Variants in SHANK2 observed in about 807,000 individuals in gnomAD.
The protein encoded by SHANK2 is SH3 and multiple ankyrin repeat domains protein 2.
SHANK2 carries 43 observed loss-of-function variants against 133.7 expected under a neutral mutation model. That is an observed-to-expected ratio of 0.32 (90% CI 0.25 to 0.41). The LOEUF is 0.41. Among genes scored for constraint, SHANK2 ranks in the 10% least tolerant of loss-of-function variants. The pLI is 1.00. For synonymous variants in SHANK2, 1,017 were observed against 952.8 expected (o/e 1.07, Z -1.24); for missense variants, 1,994 against 2,235.8 (o/e 0.89, Z 2.18).
intron 3 of SHANK2, among the ~76,000 whole-genome samples, chr11:71,143,546 C>T (rs1952593562): frequency 6.6e-6 from 1 of 152,170 alleles, no homozygotes; most frequent in Non-Finnish European, 1.5e-5. Flanking sequence ...GTCATTCTCA[C>T]ATTGCTTGTG....
intron 14 of SHANK2, among the ~76,000 whole-genome samples, chr11:70,701,840 A>T (rs923375990): frequency 1.3e-5 from 2 of 152,110 alleles, no homozygotes; most frequent in African/African-American, 4.8e-5. Flanking sequence ...GGGACAGGAA[A>T]GGGACCCTAA....
intron 17 of SHANK2, among the ~76,000 whole-genome samples, chr11:70,538,812 A>G (rs1368752953): frequency 6.6e-6 from 1 of 152,180 alleles, no homozygotes; most frequent in Non-Finnish European, 1.5e-5. Context: ...GGCGGGAGGC[A>G]CGCACAGACG....
At chr11:70,608,567 GAC>G (rs1554993224) in intron 17 of SHANK2, among the ~76,000 whole-genome samples, 1 of 152,180 alleles carries the variant, frequency 6.6e-6, no homozygotes, top group African/African-American at 2.4e-5. Context: ...AGGTGGGCAG[GAC>G]ACAGCACTCG....
At chr11:70,709,976 A>G (rs1163057323) in intron 14 of SHANK2, among the ~76,000 whole-genome samples, 1 of 152,100 alleles carries the variant, frequency 6.6e-6, no homozygotes, top group East Asian at 1.9e-4. Context: ...CCCACGGAGA[A>G]GTAAAGGAGG....
At chr11:70,516,142 A>G (rs1217986220) in intron 17 of SHANK2, among the ~76,000 whole-genome samples, 1 of 152,192 alleles carries the variant, frequency 6.6e-6, no homozygotes, top group Non-Finnish European at 1.5e-5. Context: ...TAAAGTTTAT[A>G]TGGAAAGCTA....
chr11:70,655,038 G>A (rs902885302), intron 17 of SHANK2, among the ~76,000 whole-genome samples: 11 of 152,146 alleles, frequency 7.2e-5, no homozygotes, highest in Middle Eastern at 3.4e-3. Flanking sequence ...CAAAGTGCTG[G>A]GATTACAGGC....
intron 17 of SHANK2, among the ~76,000 whole-genome samples, chr11:70,629,336 T>A (rs534470): frequency 0.3 from 44,992 of 152,058 alleles, 6,692 homozygotes; most frequent in Middle Eastern, 0.39. Flanking sequence ...TCTTTCGAAC[T>A]CTCTGAAGGG....
chr11:70,752,877 GC>G (rs1451888059), intron 14 of SHANK2, among the ~76,000 whole-genome samples: 1 of 152,138 alleles, frequency 6.6e-6, no homozygotes, highest in Non-Finnish European at 1.5e-5. Flanking sequence ...ACCTTGCGGG[GC>G]CGAGGCAGGC....
chr11:71,194,389 G>A (rs1397974312), intron 2 of SHANK2, among the ~76,000 whole-genome samples: 3 of 152,210 alleles, frequency 2.0e-5, no homozygotes, highest in Non-Finnish European at 2.9e-5. Context: ...GTCGGGGCAG[G>A]CTGCCACTGC....
intron 10 of SHANK2, among the ~76,000 whole-genome samples, chr11:70,954,084 C>T (rs1207168307): frequency 1.3e-5 from 2 of 152,214 alleles, no homozygotes; most frequent in Non-Finnish European, 2.9e-5. Context: ...GGGACCCTGC[C>T]CATGGCACTC....
rs138335203 is a variant in SHANK2 at position 70,487,283 on chromosome 11, C to A, written c.3010G>T (p.Ala1004Ser). 1 of 1,614,198 alleles carries A rather than the reference C, an allele frequency of 6.2e-7. No homozygotes were observed. Among genetic ancestry groups the A allele is most frequent in the East Asian group, 2.2e-5 (1 of 44,874 alleles). ...ATCCCCTTCCGCCTGGCGGGCTTGG[C>A]GGGGACGTAGACGGCTTTGCTGGCG... ...KIASKAVYVP[A>S]KPARRKGMLV... is the part of the protein sequence containing the mutation. The change falls in exon 25 of 26, where the codon GCC becomes TCC. Residue 1004 changes from alanine to serine, a missense_variant. This residue lies in a region of SHANK2 where 488 missense variants were observed against 642.6 expected (regional missense o/e 0.76). Transcript: ENST00000601538. The surrounding 1 kb of genome is among the most constrained non-coding windows in gnomAD (Gnocchi z 5.8).
intron 17 of SHANK2, among the ~76,000 whole-genome samples, chr11:70,657,078 G>T (rs1233851354): frequency 6.6e-6 from 1 of 152,192 alleles, no homozygotes; most frequent in Non-Finnish European, 1.5e-5. Flanking sequence ...TGGTCCAAAA[G>T]TTCAAACCGC....
chr11:70,728,286 A>C (rs1946214920), intron 14 of SHANK2, among the ~76,000 whole-genome samples: 1 of 152,216 alleles, frequency 6.6e-6, no homozygotes, highest in South Asian at 2.1e-4. Context: ...TGTGGGATCC[A>C]AAGAGGATCC....
intron 16 of SHANK2, among the ~76,000 whole-genome samples, chr11:70,660,991 C>T (rs1591718656): frequency 6.6e-6 from 1 of 152,262 alleles, no homozygotes; most frequent in African/African-American, 2.4e-5. Context: ...CTGGCAGGTG[C>T]ACCGCCATGG....
chr11:70,587,400 G>A lies in SHANK2; in HGVS notation c.2061+72428C>T, dbSNP rs1039707499. Among the ~76,000 whole-genome samples the A allele has an allele frequency of 1.2e-4, 19 of 152,306 alleles. No individual in the cohort carries two copies. The East Asian group carries it at 1.5e-3, about 12-fold the overall frequency. On this transcript the variant is annotated intron_variant, in intron 17 of 25. Coordinates refer to ENST00000601538, the MANE Select transcript of SHANK2 (RefSeq NM_012309.5). Reference sequence around the variant, plus strand: ...AGAAAGGAGCCTGTCGCGGCACCACGGGTACATCTGTAAACATGAGAGTCA... The same window carrying A: ...AGAAAGGAGCCTGTCGCGGCACCACAGGTACATCTGTAAACATGAGAGTCA...
intron 9 of SHANK2, among the ~76,000 whole-genome samples, chr11:71,071,105 T>C (rs1047764575): frequency 0.062 from 9,370 of 152,282 alleles, 964 homozygotes; most frequent in African/African-American, 0.21. Context: ...GTTTTCAAGA[T>C]AAAATGTGCT....
intron 17 of SHANK2, among the ~76,000 whole-genome samples, chr11:70,570,280 C>G (rs57236853): frequency 0.24 from 37,226 of 152,034 alleles, 4,717 homozygotes; most frequent in Middle Eastern, 0.33. Context: ...GGGCCCAGGT[C>G]GCTCCCGTTC....
chr11:70,736,951 T>C (rs1946418758), intron 14 of SHANK2, among the ~76,000 whole-genome samples: 2 of 152,230 alleles, frequency 1.3e-5, no homozygotes, highest in Non-Finnish European at 2.9e-5. Flanking sequence ...CTGGGGGTTC[T>C]GAAACGTGGC....
intron 14 of SHANK2, among the ~76,000 whole-genome samples, chr11:70,735,100 G>A (rs1291737474): frequency 1.3e-5 from 2 of 152,178 alleles, no homozygotes; most frequent in Non-Finnish European, 2.9e-5. Context: ...GGGCGAGGCC[G>A]TGGCCTCCCC....
Sources: gnomAD v4.1 joint callset for allele counts (sites outside exome capture counted in the v4.1 genomes callset) on GRCh38, gnomAD v4.1.1 for gene constraint, gnomAD v4.1.1 regional missense constraint, Gnocchi (gnomAD v3.1) non-coding constraint, MANE v1.5 for transcripts, NCBI Gene and HGNC (gene_info 2026-07-23, HGNC 2026-07-21) for gene names.